CSMD3: variants seen among roughly 807,000 people sequenced by gnomAD.
CSMD3 encodes the protein CUB and sushi domain-containing protein 3.
A neutral mutation model predicts 435.2 loss-of-function variants in CSMD3; 177 were observed. The observed-to-expected ratio is 0.41, with a 90% CI of 0.36 to 0.46. The LOEUF is 0.46. Ranked by LOEUF, CSMD3 falls within the 20% of genes least tolerant of loss-of-function variation. The probability of loss-of-function intolerance (pLI) is 0.34; values close to 1 mark genes in which losing one functional copy is unlikely to be tolerated. For missense variants in CSMD3, 4,265 were observed against 4,504.6 expected (o/e 0.95, Z 1.52); for synonymous variants, 1,656 against 1,520.5 (o/e 1.09, Z -2.07).
intron 7 of CSMD3, among the ~76,000 whole-genome samples, chr8:112,960,475 A>G (rs570135258): frequency 6.6e-6 from 1 of 151,928 alleles, no homozygotes; most frequent in South Asian, 2.1e-4. Flanking sequence ...GTATCCTGCA[A>G]CAATTAGATA....
At chr8:113,375,416 A>T (rs1238233776) in intron 1 of CSMD3, among the ~76,000 whole-genome samples, 1 of 152,058 alleles carries the variant, frequency 6.6e-6, no homozygotes, top group Non-Finnish European at 1.5e-5. Flanking sequence ...TATAATTTAG[A>T]AGTTATTTCT....
rs1391106327 is a variant in CSMD3, at chr8:112,408,370, T to C, written c.5553A>G (p.Arg1851=). ...CTGTTATTGGTCCAACTGAAGTAAATCGAATTGTGATCTGATTACCTGAAC... is the reference window on the plus strand; with the variant it reads ...CTGTTATTGGTCCAACTGAAGTAAACCGAATTGTGATCTGATTACCTGAAC... ...PLSSGNQITI[R]FTSVGPITAK... The change falls in exon 34 of 71, where the codon CGA becomes CGG. Residue 1851 remains arginine (R), a synonymous_variant. Coordinates refer to ENST00000297405, the MANE Select transcript of CSMD3 (RefSeq NM_198123.2). The C allele has an allele frequency of 2.5e-6, 4 of 1,612,080 alleles. No individual in the cohort carries two copies. The highest frequency in any genetic ancestry group is 3.4e-6 in the Non-Finnish European group (4 of 1,178,590).
chr8:113,248,742 A>T (rs1368339942), intron 3 of CSMD3, among the ~76,000 whole-genome samples: 1 of 151,552 alleles, frequency 6.6e-6, no homozygotes, highest in Non-Finnish European at 1.5e-5. Flanking sequence ...TACACATTCA[A>T]TTTATTTCCT....
chr8:112,855,809 C>CTTTTTTTTTTTTTTTT (rs34885472), intron 11 of CSMD3, among the ~76,000 whole-genome samples: 16 of 135,572 alleles, frequency 1.2e-4, no homozygotes, highest in Non-Finnish European at 2.0e-4. Context: ...CTTAGCGAAG[C>CTTTTTTTTTTTTTTTT]TTTTTTTTTT....
intron 53 of CSMD3, 148 bp from the exon 54 acceptor site, chr8:112,296,154 CTA>C (rs1820246256): frequency 1.5e-6 from 1 of 667,112 alleles, no homozygotes; most frequent in African/African-American, 1.8e-5. Context: ...ATAAAGGTAA[CTA>C]TGAAATATTT....
chr8:112,505,079 G>A (rs984591626), intron 29 of CSMD3, among the ~76,000 whole-genome samples: 5 of 152,118 alleles, frequency 3.3e-5, no homozygotes, highest in African/African-American at 1.2e-4. Flanking sequence ...ACATATGCAT[G>A]TACAAGAAAG....
At chr8:112,225,318 G>A (rs188272108) in intron 70 of CSMD3, among the ~76,000 whole-genome samples, 30 of 151,630 alleles carry the variant, frequency 2.0e-4, no homozygotes, top group Middle Eastern at 3.4e-3. Flanking sequence ...TCTATTATGC[G>A]CCAGTCATGA....
chr8:113,224,972 A>G (rs2093010189), intron 3 of CSMD3, among the ~76,000 whole-genome samples: 1 of 151,430 alleles, frequency 6.6e-6, no homozygotes. Flanking sequence ...TATCTCAGCA[A>G]TTTAGAGCTA....
At chr8:113,035,594 A>T (rs1018064646) in intron 5 of CSMD3, among the ~76,000 whole-genome samples, 9 of 152,026 alleles carry the variant, frequency 5.9e-5, no homozygotes, top group Admixed American at 5.2e-4. Context: ...TGTTTGTCAA[A>T]ATACATAATG....
At chr8:112,942,114 C>T (rs112244609) in intron 9 of CSMD3, among the ~76,000 whole-genome samples, 5,091 of 151,354 alleles carry the variant, frequency 0.034, 144 homozygotes, top group Middle Eastern at 0.051. Context: ...TCACTTCATC[C>T]CCCTGAACTC....
chr8:112,499,836 T>C (rs952325059), intron 30 of CSMD3, among the ~76,000 whole-genome samples: 1 of 152,048 alleles, frequency 6.6e-6, no homozygotes, highest in Non-Finnish European at 1.5e-5. Flanking sequence ...TAAGCAGTAT[T>C]GGCCAGGCGT....
intron 3 of CSMD3, among the ~76,000 whole-genome samples, chr8:113,234,164 A>C (rs1213331080): frequency 6.6e-6 from 1 of 152,136 alleles, no homozygotes; most frequent in Non-Finnish European, 1.5e-5. Context: ...AAAAATTCAT[A>C]GAGAATCTTC....
intron 24 of CSMD3, among the ~76,000 whole-genome samples, chr8:112,565,063 T>A (rs1828955254): frequency 6.6e-6 from 1 of 152,106 alleles, no homozygotes; most frequent in Non-Finnish European, 1.5e-5. Context: ...TTTATTATTC[T>A]AGTATGAAGA....
At chr8:113,154,141 T>A (rs991842158) in intron 4 of CSMD3, among the ~76,000 whole-genome samples, 2 of 152,050 alleles carry the variant, frequency 1.3e-5, no homozygotes, top group Non-Finnish European at 1.5e-5. Context: ...ACAAATTTTA[T>A]GTACAGAGAT....
At chr8:113,162,410 A>G (rs1386712292) in intron 4 of CSMD3, among the ~76,000 whole-genome samples, 1 of 149,904 alleles carries the variant, frequency 6.7e-6, no homozygotes, top group African/African-American at 2.5e-5. Flanking sequence ...TACTAAATAC[A>G]CAAAATTAGC....
intron 6 of CSMD3, among the ~76,000 whole-genome samples, chr8:113,006,468 G>C (rs189408369): frequency 2.4e-4 from 37 of 152,044 alleles, no homozygotes; most frequent in South Asian, 4.1e-4. Flanking sequence ...AGCCTAGTAG[G>C]GTGGGCTTTA....
intron 10 of CSMD3, among the ~76,000 whole-genome samples, chr8:112,904,171 T>C (rs1466406284): frequency 2.0e-5 from 3 of 151,406 alleles, no homozygotes; most frequent in Non-Finnish European, 4.4e-5. Context: ...TATGGTGACA[T>C]TCACCTTAGA....
At chr8:113,290,153 T>A (rs1479703117) in intron 2 of CSMD3, among the ~76,000 whole-genome samples, 1 of 151,700 alleles carries the variant, frequency 6.6e-6, no homozygotes, top group South Asian at 2.1e-4. Context: ...TTATAGAATG[T>A]TTCTGAGGAT....
intron 10 of CSMD3, among the ~76,000 whole-genome samples, chr8:112,863,159 T>C (rs2080873912): frequency 6.6e-6 from 1 of 152,046 alleles, no homozygotes; most frequent in Non-Finnish European, 1.5e-5. Context: ...TTGTTTTCGA[T>C]TTTGCTTTGA....
Sources: allele counts gnomAD v4.1 joint callset (sites outside exome capture counted in the v4.1 genomes callset), GRCh38; gene constraint gnomAD v4.1.1; transcripts MANE v1.5; gene names NCBI Gene and HGNC (gene_info 2026-07-23, HGNC 2026-07-21).